Variants in POU6F2 observed in about 807,000 individuals in gnomAD.
POU6F2 encodes the protein POU class 6 homeobox 2, also known as POU domain, class 6, transcription factor 2.
In POU6F2, 31 loss-of-function variants were observed where a neutral mutation model predicts 71.3. That is an observed-to-expected ratio of 0.43 (90% CI 0.33 to 0.59). The LOEUF (loss-of-function observed/expected upper bound fraction) is 0.59, where lower values mean the gene tolerates loss of function less well. Among genes scored for constraint, POU6F2 ranks in the 20% least tolerant of loss-of-function variants. The pLI, the probability that POU6F2 is intolerant of heterozygous loss-of-function variation, is 0.04. For missense variants in POU6F2, 783 were observed against 856.8 expected (o/e 0.91, Z 1.07); for synonymous variants, 347 against 355.7 (o/e 0.98, Z 0.27).
intron 4 of POU6F2, among the ~76,000 whole-genome samples, chr7:39,281,527 C>T (rs1264572591): frequency 1.3e-5 from 2 of 152,072 alleles, no homozygotes; most frequent in East Asian, 1.9e-4. Context: ...TTTTTTAGAT[C>T]CCACATATGT....
chr7:39,217,585 A>G (rs1453655215), intron 4 of POU6F2, among the ~76,000 whole-genome samples: 1 of 152,216 alleles, frequency 6.6e-6, no homozygotes, highest in East Asian at 1.9e-4. Flanking sequence ...TTAGTATGCA[A>G]TGATACGTGG....
intron 2 of POU6F2, among the ~76,000 whole-genome samples, chr7:39,102,341 T>C (rs551944732): frequency 6.6e-6 from 1 of 152,312 alleles, no homozygotes; most frequent in South Asian, 2.1e-4. Context: ...GCTTTCCAAC[T>C]ACTTTCTCAT....
chr7:39,112,049 C>G (rs1371420003), intron 2 of POU6F2, among the ~76,000 whole-genome samples: 3 of 152,200 alleles, frequency 2.0e-5, no homozygotes, highest in Non-Finnish European at 4.4e-5. Flanking sequence ...AGTCCTTAGG[C>G]AGGGATGATA....
At chr7:39,037,311 A>T (rs935173053) in intron 1 of POU6F2, among the ~76,000 whole-genome samples, 3 of 151,980 alleles carry the variant, frequency 2.0e-5, no homozygotes, top group Admixed American at 2.0e-4. Context: ...AAAATTGAGC[A>T]CATAAATTAA....
At chr7:39,317,949 G>A (rs900609218) in intron 4 of POU6F2, among the ~76,000 whole-genome samples, 1 of 152,142 alleles carries the variant, frequency 6.6e-6, no homozygotes, top group African/African-American at 2.4e-5. Flanking sequence ...TTTCACTGTG[G>A]TGAGCCTCTT....
intron 4 of POU6F2, among the ~76,000 whole-genome samples, chr7:39,224,301 C>T (rs1245639415): frequency 6.6e-6 from 1 of 151,964 alleles, no homozygotes; most frequent in Non-Finnish European, 1.5e-5. Flanking sequence ...TAGTACTTTT[C>T]CAACTGCGAA....
intron 2 of POU6F2, among the ~76,000 whole-genome samples, chr7:39,163,994 CAGG>C (rs895425236): frequency 6.6e-6 from 1 of 152,020 alleles, no homozygotes; most frequent in Non-Finnish European, 1.5e-5. Context: ...TCCAGTTAGG[CAGG>C]AGAAGTAAGT....
In POU6F2 at chr7:39,401,271, G is replaced by T. The variant is rs1787297263; in HGVS notation, c.973-5329G>T. ...CAGTGGTCAATGGAGACAGTTGGCA[G>T]AGAGTGGGAAGGTCAGCATCTAACA... is the stretch of plus-strand genomic sequence containing the variant. On this transcript the variant is annotated intron_variant, in intron 5 of 9. Coordinates refer to ENST00000518318, the MANE Select transcript of POU6F2 (RefSeq NM_001370959.1). 2.6e-5 allele frequency among the ~76,000 whole-genome samples: 4 copies of T among 152,216 alleles called. No individual in the cohort carries two copies. The East Asian group carries it at 7.7e-4, about 29-fold the overall frequency.
chr7:39,287,862 C>A (rs1562777580), intron 4 of POU6F2, among the ~76,000 whole-genome samples: 1 of 138,420 alleles, frequency 7.2e-6, no homozygotes, highest in Non-Finnish European at 1.6e-5. Flanking sequence ...AAACCACTGG[C>A]CTTGACGGTA....
chr7:39,291,580 C>G (rs1245544816), intron 4 of POU6F2, among the ~76,000 whole-genome samples: 1 of 152,186 alleles, frequency 6.6e-6, no homozygotes, highest in East Asian at 1.9e-4. Flanking sequence ...CATTCTCACT[C>G]TAGTGGCAAT....
chr7:39,373,716 G>T, intron 5 of POU6F2: 4 of 339,668 alleles, frequency 1.2e-5, no homozygotes, highest in Non-Finnish European at 2.3e-5. Context: ...CTACCCAGTT[G>T]CTATCTATGT....
chr7:39,452,465 A>G (rs1211712424), intron 8 of POU6F2, among the ~76,000 whole-genome samples: 2 of 152,228 alleles, frequency 1.3e-5, no homozygotes, highest in Non-Finnish European at 2.9e-5. Flanking sequence ...GAACATGTGC[A>G]TAGATTGCAA....
intron 4 of POU6F2, among the ~76,000 whole-genome samples, chr7:39,269,472 G>T (rs1784306439): frequency 6.6e-6 from 1 of 152,240 alleles, no homozygotes; most frequent in Non-Finnish European, 1.5e-5. Flanking sequence ...TGGTCGGCTG[G>T]GCGGCAGGGC....
At chr7:39,046,978 T>C (rs1330090531) in intron 1 of POU6F2, among the ~76,000 whole-genome samples, 1 of 151,930 alleles carries the variant, frequency 6.6e-6, no homozygotes, top group Non-Finnish European at 1.5e-5. Flanking sequence ...CATTAAATTG[T>C]CTCCACATTT....
intron 2 of POU6F2, among the ~76,000 whole-genome samples, chr7:39,092,911 A>G (rs952277210): frequency 4.6e-5 from 7 of 152,178 alleles, no homozygotes; most frequent in African/African-American, 1.2e-4. Context: ...ACTTTGTTTT[A>G]TAAGTATTCC....
intron 1 of POU6F2, among the ~76,000 whole-genome samples, chr7:39,078,489 C>T (rs1791041580): frequency 6.6e-6 from 1 of 152,112 alleles, no homozygotes; most frequent in Non-Finnish European, 1.5e-5. Context: ...TAATTCTACC[C>T]AAATTAATAT....
chr7:39,303,615 G>A (rs1784995598), intron 4 of POU6F2, among the ~76,000 whole-genome samples: 1 of 152,220 alleles, frequency 6.6e-6, no homozygotes, highest in Admixed American at 6.5e-5. Context: ...GGGATGGAAT[G>A]ATGCTCTGGA....
intron 5 of POU6F2, among the ~76,000 whole-genome samples, chr7:39,402,190 G>A (rs938635440): frequency 1.3e-5 from 2 of 152,186 alleles, no homozygotes; most frequent in South Asian, 2.1e-4. Context: ...GTGATACTAT[G>A]TATGGTGACA....
intron 1 of POU6F2, among the ~76,000 whole-genome samples, chr7:39,015,848 T>TA (rs1348790210): frequency 5.9e-5 from 3 of 50,426 alleles, no homozygotes; most frequent in African/African-American, 5.8e-5. Context: ...ATATATTATA[T>TA]ATAGATATAT....
Sources: gnomAD v4.1 joint callset for allele counts (sites outside exome capture counted in the v4.1 genomes callset) on GRCh38, gnomAD v4.1.1 for gene constraint, MANE v1.5 for transcripts, NCBI Gene and HGNC (gene_info 2026-07-23, HGNC 2026-07-21) for gene names.